The following LHFPL3 variants were observed in gnomAD, a reference collection of about 807,000 sequenced individuals.
LHFPL3 encodes the protein LHFPL tetraspan subfamily member 3 protein.
Under a neutral mutation model 19.3 loss-of-function variants are expected in LHFPL3, and 5 were observed. The observed-to-expected ratio is 0.26, with a 90% CI of 0.14 to 0.54. The LOEUF is 0.54. Among genes scored for constraint, LHFPL3 ranks in the 20% least tolerant of loss-of-function variants. The pLI is 0.94. For missense variants in LHFPL3, 249 were observed against 307.4 expected (o/e 0.81, Z 1.42); for synonymous variants, 133 against 126.2 (o/e 1.05, Z -0.36).
At chr7:104,667,032 ATAGAAGTTTTATTTT>A (rs1288941342) in intron 1 of LHFPL3, among the ~76,000 whole-genome samples, 25 of 152,188 alleles carry the variant, frequency 1.6e-4, no homozygotes, top group Non-Finnish European at 3.1e-4. Context: ...GCTAGGTCAC[ATAGAAGTTTTATTTT>A]TAGCTTTTTG....
chr7:104,499,469 A>G (rs1793555185), intron 1 of LHFPL3, among the ~76,000 whole-genome samples: 3 of 152,218 alleles, frequency 2.0e-5, no homozygotes, highest in Admixed American at 6.5e-5. Context: ...CTTATATTCA[A>G]GATATTATCT....
chr7:104,861,822 A>G (rs1272708807), intron 2 of LHFPL3, among the ~76,000 whole-genome samples: 1 of 152,082 alleles, frequency 6.6e-6, no homozygotes, highest in Non-Finnish European at 1.5e-5. Context: ...CCTAAAAAGC[A>G]TTTCTGTCAG....
chr7:104,511,565 C>T (rs1429294729), intron 1 of LHFPL3, among the ~76,000 whole-genome samples: 1 of 152,156 alleles, frequency 6.6e-6, no homozygotes, highest in Non-Finnish European at 1.5e-5. Flanking sequence ...GGAAGCAACC[C>T]AGATGTCTTT....
chr7:104,441,992 A>G (rs146169060), intron 1 of LHFPL3, among the ~76,000 whole-genome samples: 22 of 152,230 alleles, frequency 1.4e-4, no homozygotes, highest in African/African-American at 4.8e-4. Context: ...AGTGGCTGCA[A>G]CGTTTTACAT....
chr7:104,377,309 A>C (rs1790735298), intron 1 of LHFPL3, among the ~76,000 whole-genome samples: 1 of 152,242 alleles, frequency 6.6e-6, no homozygotes, highest in African/African-American at 2.4e-5. Context: ...TACCTCTTGC[A>C]AAACAAACTT....
At chr7:104,424,549 T>C (rs1562893153) in intron 1 of LHFPL3, among the ~76,000 whole-genome samples, 1 of 152,300 alleles carries the variant, frequency 6.6e-6, no homozygotes, top group East Asian at 1.9e-4. Flanking sequence ...AATAAATCCA[T>C]ATACTGCTTA....
chr7:104,574,904 C>T (rs1247089023), intron 1 of LHFPL3, among the ~76,000 whole-genome samples: 2 of 152,146 alleles, frequency 1.3e-5, no homozygotes, highest in Non-Finnish European at 2.9e-5. Context: ...AAATATGACA[C>T]TCCATGTATG....
At chr7:104,643,013 A>G (rs1791865157) in intron 1 of LHFPL3, among the ~76,000 whole-genome samples, 1 of 152,156 alleles carries the variant, frequency 6.6e-6, no homozygotes, top group Admixed American at 6.5e-5. Flanking sequence ...TTTGGCCAAG[A>G]ATTTTTAAGG....
At chr7:104,744,419 G>A (rs917441288) in intron 2 of LHFPL3, among the ~76,000 whole-genome samples, 3 of 152,126 alleles carry the variant, frequency 2.0e-5, no homozygotes, top group African/African-American at 7.2e-5. Flanking sequence ...GTTTCCTGAT[G>A]GGATTTGTGT....
At chr7:104,663,716 C>T (rs1422375380) in intron 1 of LHFPL3, among the ~76,000 whole-genome samples, 1 of 152,176 alleles carries the variant, frequency 6.6e-6, no homozygotes, top group Admixed American at 6.5e-5. Flanking sequence ...AGAGACCAAC[C>T]AGAAAACTCA....
At chr7:104,339,949 A>T (rs879761815) in intron 1 of LHFPL3, among the ~76,000 whole-genome samples, 1 of 152,144 alleles carries the variant, frequency 6.6e-6, no homozygotes, top group Non-Finnish European at 1.5e-5. Flanking sequence ...AGATTTGCTT[A>T]TTGATGGTGG....
intron 2 of LHFPL3, among the ~76,000 whole-genome samples, chr7:104,832,864 C>A (rs561068411): frequency 6.9e-6 from 1 of 144,572 alleles, no homozygotes; most frequent in East Asian, 2.0e-4. Flanking sequence ...ATAGTCTCAG[C>A]TCCTCAGGGG....
At chr7:104,692,444 G>T (rs1792922016) in intron 1 of LHFPL3, among the ~76,000 whole-genome samples, 1 of 152,236 alleles carries the variant, frequency 6.6e-6, no homozygotes, top group Admixed American at 6.5e-5. Context: ...GGAAATAATT[G>T]TTTCATGGGC....
chr7:104,881,034 C>G (rs929247536), intron 2 of LHFPL3, among the ~76,000 whole-genome samples: 3 of 151,864 alleles, frequency 2.0e-5, no homozygotes, highest in Non-Finnish European at 2.9e-5. Context: ...GCCGGGCGTG[C>G]TAGCAGGCAC....
intron 2 of LHFPL3, among the ~76,000 whole-genome samples, chr7:104,832,342 G>C (rs957814961): frequency 6.6e-6 from 1 of 151,826 alleles, no homozygotes; most frequent in African/African-American, 2.4e-5. Context: ...GAAGGACCTG[G>C]TTTTGCTCCC....
At chr7:104,811,039 G>A (rs1361474540) in intron 2 of LHFPL3, among the ~76,000 whole-genome samples, 1 of 152,200 alleles carries the variant, frequency 6.6e-6, no homozygotes, top group East Asian at 1.9e-4. Context: ...TGTTAGAACT[G>A]TCTTAGGCTT....
At chr7:104,695,902 C>A (rs1449988274) in intron 1 of LHFPL3, among the ~76,000 whole-genome samples, 2 of 152,126 alleles carry the variant, frequency 1.3e-5, no homozygotes, top group African/African-American at 2.4e-5. Context: ...AATGTGCATA[C>A]CCTTTGTCAG....
At chr7:104,627,701 A>G (rs1020598336) in intron 1 of LHFPL3, among the ~76,000 whole-genome samples, 3 of 152,170 alleles carry the variant, frequency 2.0e-5, no homozygotes, top group African/African-American at 7.2e-5. Context: ...GTACTGAATG[A>G]GTCTCTGTAT....
intron 2 of LHFPL3, among the ~76,000 whole-genome samples, chr7:104,804,759 A>G (rs1192588884): frequency 6.6e-6 from 1 of 152,138 alleles, no homozygotes; most frequent in Non-Finnish European, 1.5e-5. Flanking sequence ...ACTACATGAA[A>G]ATGGATCATT....
Sources: gnomAD v4.1 joint callset for allele counts (sites outside exome capture counted in the v4.1 genomes callset) on GRCh38, gnomAD v4.1.1 for gene constraint, MANE v1.5 for transcripts, NCBI Gene and HGNC (gene_info 2026-07-23, HGNC 2026-07-21) for gene names.